SMIM36: variants seen among roughly 807,000 people sequenced by gnomAD.
The protein encoded by SMIM36 is small integral membrane protein 36.
At chr17:55,479,709 T>A (rs1328563464) in intron 1 of SMIM36, 129 bp from the exon 2 acceptor site, 8 of 152,258 alleles carry the variant, frequency 5.3e-5, no homozygotes, top group African/African-American at 1.9e-4. Context: ...TTTCTTATTG[T>A]ACAAGCTTGA....
chr17:55,469,235 G>T (rs1238786835), intron 3 of SMIM36, among the ~76,000 whole-genome samples: 1 of 152,026 alleles, frequency 6.6e-6, no homozygotes, highest in Non-Finnish European at 1.5e-5. Flanking sequence ...TTGGCTTACA[G>T]TTTCGTTCCG....
At chr17:55,529,696 G>A in the SMIM36 span, among the ~76,000 whole-genome samples, 3 of 152,040 alleles carry the variant, frequency 2.0e-5, no homozygotes, top group Admixed American at 6.6e-5. Flanking sequence ...GCAGGCTGAG[G>A]AGGGAGGATC....
chr17:55,511,010 A>G (rs965381212), exon 1 of SMIM36: 4 of 397,748 alleles, frequency 1.0e-5, no homozygotes, highest in Admixed American at 4.4e-5. Context: ...GTTTGTCTCT[A>G]TGGAAAGTCT....
At chr17:55,508,206 T>C (rs141200087) in intron 1 of SMIM36, among the ~76,000 whole-genome samples, 4,056 of 152,008 alleles carry the variant, frequency 0.027, 64 homozygotes, top group Non-Finnish European at 0.041. Context: ...TCTGGTTTCA[T>C]AGCCCAACAT....
intron 4 of SMIM36, among the ~76,000 whole-genome samples, chr17:55,461,806 C>T (rs1404287095): frequency 6.6e-6 from 1 of 152,066 alleles, no homozygotes; most frequent in Non-Finnish European, 1.5e-5. Flanking sequence ...AGACTCCCAC[C>T]AGTGGTGGTA....
chr17:55,530,854 A>G, the SMIM36 span, among the ~76,000 whole-genome samples: 1 of 152,128 alleles, frequency 6.6e-6, no homozygotes, highest in Admixed American at 6.6e-5. Flanking sequence ...GTCTGCGGGG[A>G]ATGAGGAAGA....
chr17:55,512,597 G>A (rs1027870993), upstream of SMIM36, among the ~76,000 whole-genome samples: 2 of 152,210 alleles, frequency 1.3e-5, no homozygotes, highest in Non-Finnish European at 2.9e-5. Flanking sequence ...CAATAGTCCC[G>A]CATAGGCTAC....
chr17:55,466,213 G>A (rs1016827714), intron 4 of SMIM36, among the ~76,000 whole-genome samples: 1 of 141,112 alleles, frequency 7.1e-6, no homozygotes, highest in African/African-American at 2.7e-5. Context: ...GGAGGCAGAG[G>A]TTGCAGTGAG....
intron 4 of SMIM36, among the ~76,000 whole-genome samples, chr17:55,455,537 C>T (rs1909001998): frequency 6.6e-6 from 1 of 152,170 alleles, no homozygotes; most frequent in Admixed American, 6.5e-5. Flanking sequence ...TGCCTATAAT[C>T]TCAGCAACTT....
At chr17:55,466,017 C>T (rs984018593) in intron 4 of SMIM36, among the ~76,000 whole-genome samples, 1 of 152,036 alleles carries the variant, frequency 6.6e-6, no homozygotes, top group African/African-American at 2.4e-5. Flanking sequence ...GCTCACCACG[C>T]TTGTAATCTC....
intron 3 of SMIM36, among the ~76,000 whole-genome samples, chr17:55,475,680 A>G (rs914314700): frequency 6.6e-6 from 1 of 152,216 alleles, no homozygotes; most frequent in African/African-American, 2.4e-5. Context: ...AACCAAGCAA[A>G]TAATTACACT....
intron 4 of SMIM36, among the ~76,000 whole-genome samples, chr17:55,460,240 C>A (rs1447716502): frequency 2.0e-5 from 3 of 149,722 alleles, no homozygotes; most frequent in African/African-American, 7.4e-5. Context: ...CCAGCCTGGC[C>A]AAGATGGTGA....
chr17:55,477,077 G>A (rs1909438585), intron 3 of SMIM36: 1 of 152,234 alleles, frequency 6.6e-6, no homozygotes, highest in African/African-American at 2.4e-5. Flanking sequence ...CTACTTGGGA[G>A]GCTGAGACAG....
intron 1 of SMIM36, among the ~76,000 whole-genome samples, chr17:55,487,896 A>T (rs1209736255): frequency 6.6e-6 from 1 of 152,116 alleles, no homozygotes; most frequent in Admixed American, 6.6e-5. Flanking sequence ...GCAAATGGCT[A>T]AAAGGAGCCT....
At chr17:55,523,950 G>A in the SMIM36 span, among the ~76,000 whole-genome samples, 2 of 151,626 alleles carry the variant, frequency 1.3e-5, no homozygotes, top group African/African-American at 4.9e-5. Flanking sequence ...AGGTTCAGGG[G>A]TACACGTGCA....
the SMIM36 span, among the ~76,000 whole-genome samples, chr17:55,517,320 G>C: frequency 7.2e-5 from 11 of 152,202 alleles, no homozygotes; most frequent in Non-Finnish European, 7.4e-5. Flanking sequence ...GGAGGCCAAG[G>C]AGGGTGGATC....
chr17:55,528,844 C>G, the SMIM36 span, among the ~76,000 whole-genome samples: 63 of 152,316 alleles, frequency 4.1e-4, no homozygotes, highest in African/African-American at 1.5e-3. Context: ...AGCCACTGCA[C>G]CAGCCTCAAG....
chr17:55,454,297 T>C (rs959632984), intron 4 of SMIM36, among the ~76,000 whole-genome samples: 3 of 152,056 alleles, frequency 2.0e-5, no homozygotes, highest in Admixed American at 2.0e-4. Context: ...TAGGAAAAAC[T>C]GAGAAAGGAA....
chr17:55,510,530 CT>C (rs1910161569), intron 1 of SMIM36, among the ~76,000 whole-genome samples: 1 of 152,106 alleles, frequency 6.6e-6, no homozygotes, highest in Non-Finnish European at 1.5e-5. Flanking sequence ...CAGTTCAAGG[CT>C]GCAGTGAGCT....
Sources: gnomAD v4.1 joint callset for allele counts (sites outside exome capture counted in the v4.1 genomes callset) on GRCh38, gnomAD v4.1.1 for gene constraint, MANE v1.5 for transcripts, NCBI Gene and HGNC (gene_info 2026-07-23, HGNC 2026-07-21) for gene names.